Variants in RGS9BP observed in about 807,000 individuals in gnomAD.
RGS9BP encodes the protein regulator of G protein signaling 9-binding protein.
In RGS9BP, 1 loss-of-function variant was observed where a neutral mutation model predicts 3.8. The observed-to-expected ratio is 0.26, with a 90% CI of 0.09 to 1.24. RGS9BP has a LOEUF of 1.24. RGS9BP is among the 50% of genes most tolerant of loss of function. The pLI, the probability that RGS9BP is intolerant of heterozygous loss-of-function variation, is 0.48. For missense variants in RGS9BP, 363 were observed against 344.3 expected (o/e 1.05, Z -0.43); for synonymous variants, 200 against 177.8 (o/e 1.13, Z -1.00).
At position 32,676,232 on chromosome 19, in the gene RGS9BP, C is replaced by G; in HGVS notation, c.-32C>G. ...GCGCTGAGGGGGAGGCTAACGGGCG[C>G]GGGCGGCCGGGCCCAGCCGGAGCCC... On this transcript the variant is annotated 5_prime_UTR_variant, in exon 1 of 1. Transcript: ENST00000334176. 1 of 1,507,492 alleles carries G rather than the reference C, an allele frequency of 6.6e-7. No individual in the cohort carries two copies. Among genetic ancestry groups the G allele is most frequent in the Non-Finnish European group, 9.0e-7 (1 of 1,107,766 alleles). 93.4% of individuals were successfully genotyped at this position (1,507,492 alleles called of 1,614,324 possible).
At position 32,676,820 on chromosome 19, in the gene RGS9BP, T is replaced by G. The variant is rs765931342; in HGVS notation, c.557T>G (p.Leu186Arg). The G allele has an allele frequency of 4.5e-5, 72 of 1,585,498 alleles. No homozygotes were observed. The highest frequency in any genetic ancestry group is 6.1e-5 in the Non-Finnish European group (72 of 1,173,456). ...CGGCAGGCGGCGGGCGCCGAGCTCCTGTCCACGGTCAGCGCCGGCCCCTCC... is the reference window on the plus strand; with the variant it reads ...CGGCAGGCGGCGGGCGCCGAGCTCCGGTCCACGGTCAGCGCCGGCCCCTCC... Reference protein sequence around the residue: ...QARQAAGAELLSTVSAGPSSV... With the variant: ...QARQAAGAELRSTVSAGPSSV... Residue 186 changes from leucine (L) to arginine (R), a missense_variant, in exon 1 of 1, where the codon CTG becomes CGG. Coordinates refer to ENST00000334176, the MANE Select transcript of RGS9BP (RefSeq NM_207391.3).
chr19:32,677,142 T>C lies in RGS9BP; in HGVS notation c.*171T>C. On this transcript the variant is annotated 3_prime_UTR_variant, in exon 1 of 1. Transcript: ENST00000334176. ...TGGGCAGGACACGGTTTCCTCTTGC[T>C]GGCCCGGGAGGAGTTAACTTTGCGC... 1 of 661,334 alleles carries C rather than the reference T, an allele frequency of 1.5e-6. No individual in the cohort carries two copies. The highest frequency in any genetic ancestry group is 2.7e-6 in the Non-Finnish European group (1 of 364,176). The allele number at this position is 661,334 out of a possible 1,614,324, so 41.0% of individuals were successfully genotyped here. A position where few individuals can be genotyped will look rare whatever the true frequency, so the allele number is the denominator to read the frequency against.
Position 32,676,307 on chromosome 19 carries a change from A to G in RGS9BP, c.44A>G (p.Lys15Arg), listed in dbSNP as rs765582434. The change falls in exon 1 of 1, where the codon AAG becomes AGG. Residue 15 changes from lysine (K) to arginine (R), a missense_variant. Lys to Arg is a conservative substitution (Grantham distance 26). Coordinates refer to ENST00000334176, the MANE Select transcript of RGS9BP (RefSeq NM_207391.3). ...ECKALLDGLN[K>R]TTACYHHLVL... ...AAGGCGCTGCTGGACGGGCTCAACAAGACGACTGCGTGCTACCACCACCTG... is the reference window on the plus strand; with the variant it reads ...AAGGCGCTGCTGGACGGGCTCAACAGGACGACTGCGTGCTACCACCACCTG... 1.9e-6 allele frequency: 3 copies of G among 1,608,078 alleles called. No homozygotes were observed. Among genetic ancestry groups the G allele is most frequent in the Non-Finnish European group, 2.5e-6 (3 of 1,176,954 alleles).
Position 32,676,932 on chromosome 19 carries a change from G to A in RGS9BP, c.669G>A (p.Ala223=), listed in dbSNP as rs757171287. The change falls in exon 1 of 1, where the codon GCG becomes GCA. Residue 223 remains alanine, a synonymous_variant. Transcript: ENST00000334176. ...TCCTTTTCGGCGCCGTGCTGCTGGC[G>A]GCTGTGGCCCTAGCCGTGTGCGTGG... is the stretch of plus-strand genomic sequence containing the variant. The part of the protein sequence containing the change: ...AAILFGAVLL[A]AVALAVCVAK... 5.0e-5 allele frequency: 80 copies of A among 1,602,694 alleles called. No individual in the cohort carries two copies. The highest frequency in any genetic ancestry group is 6.2e-5 in the Non-Finnish European group (73 of 1,178,388).
At position 32,676,553 on chromosome 19, in the gene RGS9BP, T is replaced by TG; in HGVS notation, c.292dup (p.Glu98GlyfsTer202). ...CTGGAAGCGGACATGCGACGCGCGC[T>TG]GGAGCTGGGCGCCGCGTTCCCGCTG... On this transcript the variant is annotated frameshift_variant, in exon 1 of 1. Coordinates refer to ENST00000334176, the MANE Select transcript of RGS9BP (RefSeq NM_207391.3). LOFTEE classifies it low-confidence loss of function (END_TRUNC). 1 of 1,454,634 alleles carries TG rather than the reference T, an allele frequency of 6.9e-7. No homozygotes were observed. The highest frequency in any genetic ancestry group is 1.5e-5 in the African/African-American group (1 of 67,228). 90.1% of individuals were successfully genotyped at this position (1,454,634 alleles called of 1,614,324 possible).
Position 32,676,489 on chromosome 19 carries a change from G to C in RGS9BP, c.226G>C (p.Glu76Gln). The change falls in exon 1 of 1, where the codon GAG becomes CAG. Residue 76 changes from glutamate (E) to glutamine (Q), a missense_variant. Coordinates refer to ENST00000334176, the MANE Select transcript of RGS9BP (RefSeq NM_207391.3). ...GGCCGCCGACGAGCGCGCCGAGTTC[G>C]AGCGGCTCTGGGTGGCCTTCTCGGG... ...GLAADERAEF[E>Q]RLWVAFSGCL... 6.5e-7 allele frequency: 1 copy of C among 1,549,136 alleles called. No homozygotes were observed. Among genetic ancestry groups the C allele is most frequent in the Non-Finnish European group, 8.7e-7 (1 of 1,154,062 alleles).
Position 32,676,682 on chromosome 19 carries a change from G to T in RGS9BP, c.419G>T (p.Gly140Val). 2 of 1,535,584 alleles carry T rather than the reference G, an allele frequency of 1.3e-6. No individual in the cohort carries two copies. Among genetic ancestry groups the T allele is most frequent in the South Asian group, 2.4e-5 (2 of 84,194 alleles). Reference sequence around the variant, plus strand: ...CGCAGCCTGCGGCTCGAGGCGGAGGGCGACTTCGACGTCGCGGACCTGCGG... The same window carrying T: ...CGCAGCCTGCGGCTCGAGGCGGAGGTCGACTTCGACGTCGCGGACCTGCGG... ...STRSLRLEAE[G>V]DFDVADLREL... The change falls in exon 1 of 1, where the codon GGC (glycine) becomes GTC (valine). Residue 140 changes from glycine (G) to valine (V), a missense_variant. By Grantham distance (109) the Gly-to-Val change is moderately radical. Coordinates refer to ENST00000334176, the MANE Select transcript of RGS9BP (RefSeq NM_207391.3).
Position 32,676,470 on chromosome 19 carries a change from C to G in RGS9BP, c.207C>G (p.Ala69=). ...TGCTGCGCGACCGGGGCCTGGCCGCCGACGAGCGCGCCGAGTTCGAGCGGC... is the reference window on the plus strand; with the variant it reads ...TGCTGCGCGACCGGGGCCTGGCCGCGGACGAGCGCGCCGAGTTCGAGCGGC... The part of the protein sequence containing the change: ...TAVLRDRGLA[A]DERAEFERLW... Residue 69 remains alanine, a synonymous_variant, in exon 1 of 1, where the codon GCC becomes GCG. Transcript: ENST00000334176. 6.4e-7 allele frequency: 1 copy of G among 1,560,832 alleles called. No individual in the cohort carries two copies. The highest frequency in any genetic ancestry group is 8.6e-7 in the Non-Finnish European group (1 of 1,159,882).
rs567002714 is a variant in RGS9BP, at chr19:32,676,875, G to T, written c.612G>T (p.Gly204=). The change falls in exon 1 of 1, where the codon GGG becomes GGT. Residue 204 remains glycine (G), a synonymous_variant. Coordinates refer to ENST00000334176, the MANE Select transcript of RGS9BP (RefSeq NM_207391.3). The part of the protein sequence containing the change: ...SSVVSLQERG[G]GCDPRKALAA... ...TCGTGTCCTTGCAGGAGCGCGGGGG[G>T]GGTTGCGACCCCAGGAAGGCCCTGG... 12 of 1,595,142 alleles carry T rather than the reference G, an allele frequency of 7.5e-6. No homozygotes were observed. The highest frequency in any genetic ancestry group is 2.2e-5 in the South Asian group (2 of 89,964).
chr19:32,676,869 CGG>C lies in RGS9BP; in HGVS notation c.613_614del (p.Gly205LeufsTer94). On this transcript the variant is annotated frameshift_variant, in exon 1 of 1. Coordinates refer to ENST00000334176, the MANE Select transcript of RGS9BP (RefSeq NM_207391.3). LOFTEE classifies it high-confidence loss of function. The part of the protein sequence containing the change: ...PSSVVSLQER[G>X]GGCDPRKALA... ...CCTCGGTCGTGTCCTTGCAGGAGCG[CGG>C]GGGGGGTTGCGACCCCAGGAAGGCC... 2 of 1,591,026 alleles carry C rather than the reference CGG, an allele frequency of 1.3e-6. No individual in the cohort carries two copies. The highest frequency in any genetic ancestry group is 1.7e-5 in the Admixed American group (1 of 58,814).
chr19:32,677,256 T>G lies in RGS9BP; in HGVS notation c.*285T>G. On this transcript the variant is annotated 3_prime_UTR_variant, in exon 1 of 1. Coordinates refer to ENST00000334176, the MANE Select transcript of RGS9BP (RefSeq NM_207391.3). ...CACAGTGACCCTAGATCCCTCCGAG[T>G]TAATGAGTTAACACATGTGCTGTTG... The G allele has an allele frequency of 4.1e-6, 2 of 486,508 alleles. No homozygotes were observed. Among genetic ancestry groups the G allele is most frequent in the Non-Finnish European group, 7.7e-6 (2 of 258,940 alleles). 30.1% of individuals were successfully genotyped at this position (486,508 alleles called of 1,614,324 possible).
rs751034258 is a variant in RGS9BP at position 32,676,323 on chromosome 19, C to T, written c.60C>T (p.Tyr20=). 2.5e-6 allele frequency: 4 copies of T among 1,610,464 alleles called. No individual in the cohort carries two copies. The Admixed American group carries it at 6.7e-5, about 27-fold the overall frequency. The change falls in exon 1 of 1, where the codon TAC becomes TAT. Residue 20 remains tyrosine, a synonymous_variant. Coordinates refer to ENST00000334176, the MANE Select transcript of RGS9BP (RefSeq NM_207391.3). ...GGCTCAACAAGACGACTGCGTGCTACCACCACCTGGTGCTGACCGTCGGTG... is the reference window on the plus strand; with the variant it reads ...GGCTCAACAAGACGACTGCGTGCTATCACCACCTGGTGCTGACCGTCGGTG... ...LDGLNKTTAC[Y]HHLVLTVGGS... is the part of the protein sequence containing the mutation.
Position 32,676,196 on chromosome 19 carries a change from C to A in RGS9BP, c.-68C>A. On this transcript the variant is annotated 5_prime_UTR_variant, in exon 1 of 1. Transcript: ENST00000334176. ...GCCCAAGGCCGGGATGGGGGTTAGC[C>A]ACATCCTGCCGCGCTGAGGGGGAGG... 8.7e-7 allele frequency: 1 copy of A among 1,152,448 alleles called. No individual in the cohort carries two copies. Among genetic ancestry groups the A allele is most frequent in the Non-Finnish European group, 1.2e-6 (1 of 810,002 alleles). 71.4% of individuals were successfully genotyped at this position (1,152,448 alleles called of 1,614,324 possible). A position where few individuals can be genotyped will look rare whatever the true frequency, so the allele number is the denominator to read the frequency against.
In RGS9BP at chr19:32,676,983, C is replaced by A. The variant is rs1272253903; in HGVS notation, c.*12C>A. 2 of 1,589,254 alleles carry A rather than the reference C, an allele frequency of 1.3e-6. No homozygotes were observed. The highest frequency in any genetic ancestry group is 2.3e-5 in the East Asian group (1 of 44,222). ...CGAAGCTGAGCTGACGGACACCCGA[C>A]GGCCGCCTGCTGCTGCCGCTCCCTC... On this transcript the variant is annotated 3_prime_UTR_variant, in exon 1 of 1. Transcript: ENST00000334176.
At position 32,677,809 on chromosome 19, in the gene RGS9BP, T is replaced by G. The variant is rs1164877358; in HGVS notation, c.*838T>G. 3 of 167,128 alleles carry G rather than the reference T, an allele frequency of 1.8e-5. No individual in the cohort carries two copies. Among genetic ancestry groups the G allele is most frequent in the African/African-American group, 7.2e-5 (3 of 41,456 alleles). The allele number at this position is 167,128 out of a possible 1,614,324, so 10.4% of individuals were successfully genotyped here. On this transcript the variant is annotated 3_prime_UTR_variant, in exon 1 of 1. Coordinates refer to ENST00000334176, the MANE Select transcript of RGS9BP (RefSeq NM_207391.3). ...TGGTGTTTAAACAGGCACTTTCTCC[T>G]TCTCTGGGGCTTATTTTTGTTCAGA...
rs756399772 is a variant in RGS9BP at position 32,676,231 on chromosome 19, G to C, written c.-33G>C. 1.3e-6 allele frequency: 2 copies of C among 1,499,614 alleles called. No homozygotes were observed. Among genetic ancestry groups the C allele is most frequent in the Non-Finnish European group, 1.8e-6 (2 of 1,100,750 alleles). 92.9% of individuals were successfully genotyped at this position (1,499,614 alleles called of 1,614,324 possible). ...CGCGCTGAGGGGGAGGCTAACGGGC[G>C]CGGGCGGCCGGGCCCAGCCGGAGCC... On this transcript the variant is annotated 5_prime_UTR_variant, in exon 1 of 1. Transcript: ENST00000334176.
At position 32,678,271 on chromosome 19, in the gene RGS9BP, C is replaced by G. The variant is rs956001695; in HGVS notation, c.*1300C>G. On this transcript the variant is annotated 3_prime_UTR_variant, in exon 1 of 1. Coordinates refer to ENST00000334176, the MANE Select transcript of RGS9BP (RefSeq NM_207391.3). ...ACTTCTGAAGTTGATAGTCTTCCCC[C>G]CCCCCCACTTTTTTCTTTTTTGAGA... The G allele has an allele frequency of 1.4e-5, 2 of 147,134 alleles. No individual in the cohort carries two copies. Among genetic ancestry groups the G allele is most frequent in the East Asian group, 5.3e-4 (2 of 3,782 alleles). The allele number at this position is 147,134 out of a possible 1,614,324, so 9.1% of individuals were successfully genotyped here.
rs551068421 is a variant in RGS9BP, at chr19:32,676,667, G to A, written c.404G>A (p.Arg135Gln). 6.5e-7 allele frequency: 1 copy of A among 1,534,624 alleles called. No homozygotes were observed. The highest frequency in any genetic ancestry group is 8.7e-7 in the Non-Finnish European group (1 of 1,146,196). ...CGCGCGCTGAGCACCCGCAGCCTGC[G>A]GCTCGAGGCGGAGGGCGACTTCGAC... Reference protein sequence around the residue: ...AARALSTRSLRLEAEGDFDVA... With the variant: ...AARALSTRSLQLEAEGDFDVA... Residue 135 changes from arginine (R) to glutamine (Q), a missense_variant, in exon 1 of 1, where the codon CGG becomes CAG. By Grantham distance (43) the Arg-to-Gln change is conservative. Transcript: ENST00000334176.
Position 32,677,957 on chromosome 19 carries a change from C to G in RGS9BP, c.*986C>G, listed in dbSNP as rs1968037008. 2 of 167,162 alleles carry G rather than the reference C, an allele frequency of 1.2e-5. No homozygotes were observed. Among genetic ancestry groups the G allele is most frequent in the African/African-American group, 4.8e-5 (2 of 41,454 alleles). The allele number at this position is 167,162 out of a possible 1,614,324, so 10.4% of individuals were successfully genotyped here. A position where few individuals can be genotyped will look rare whatever the true frequency, so the allele number is the denominator to read the frequency against. On this transcript the variant is annotated 3_prime_UTR_variant, in exon 1 of 1. Transcript: ENST00000334176. ...GTAGGAGGGCTGGCTTTGGCAGCTC[C>G]CTGACCCCCGCGCTGCCCGCCCCTC...
Sources: gnomAD v4.1 joint callset for allele counts on GRCh38, gnomAD v4.1.1 for gene constraint, MANE v1.5 for transcripts, NCBI Gene and HGNC (gene_info 2026-07-23, HGNC 2026-07-21) for gene names.